CSGALNACT1: variants seen among roughly 807,000 people sequenced by gnomAD.
CSGALNACT1 encodes the protein beta4GalNAcT-1.
CSGALNACT1 carries 52 observed loss-of-function variants against 51.0 expected under a neutral mutation model. The ratio of observed to expected loss-of-function variants is 1.02; its 90% CI spans 0.82 to 1.29. The LOEUF (loss-of-function observed/expected upper bound fraction) is 1.29, where lower values mean the gene tolerates loss of function less well. Among genes scored for constraint, CSGALNACT1 ranks in the 50% most tolerant of loss-of-function variants. The pLI is 0.00. For missense variants in CSGALNACT1, 935 were observed against 679.2 expected (o/e 1.38, Z -4.19); for synonymous variants, 341 against 254.4 (o/e 1.34, Z -3.24).
intron 6 of CSGALNACT1, among the ~76,000 whole-genome samples, chr8:19,434,748 G>A (rs2060124664): frequency 6.6e-6 from 1 of 151,852 alleles, no homozygotes; most frequent in African/African-American, 2.4e-5. Context: ...GTTTCCCAGG[G>A]TCCGAGACTA....
intron 1 of CSGALNACT1, among the ~76,000 whole-genome samples, chr8:19,635,226 G>A (rs547774702): frequency 1.5e-4 from 23 of 152,324 alleles, no homozygotes; most frequent in African/African-American, 5.5e-4. Flanking sequence ...GCCCACACTG[G>A]TGGAAAAGCC....
At position 19,666,999 on chromosome 8, in the gene CSGALNACT1, G is replaced by GAAAAGAAAGAAAGAAAGAAAGA. The variant is rs1427911438; in HGVS notation, c.-544+15473_-544+15474insTCTTTCTTTCTTTCTTTCTTTT. 1.5e-4 allele frequency among the ~76,000 whole-genome samples: 4 copies of GAAAAGAAAGAAAGAAAGAAAGA among 26,054 alleles called. 1 individual carries two copies. Among genetic ancestry groups the GAAAAGAAAGAAAGAAAGAAAGA allele is most frequent in the African/African-American group, 2.3e-4 (1 of 4,444 alleles). 17.1% of individuals were successfully genotyped at this position (26,054 alleles called of 152,430 possible). A position where few individuals can be genotyped will look rare whatever the true frequency, so the allele number is the denominator to read the frequency against. The stretch of plus-strand genomic sequence containing the variant: ...AGAAAGAAAGAAAGAAAGAAAGAAA[G>GAAAAGAAAGAAAGAAAGAAAGA]AAAGAAAGAAAGAAAGAAAGGAAGG... On this transcript the variant is annotated intron_variant, in intron 1 of 9. Coordinates refer to the CSGALNACT1 transcript ENST00000332246.
chr8:19,468,403 CAT>C (rs2067235083), intron 4 of CSGALNACT1, among the ~76,000 whole-genome samples: 1 of 152,152 alleles, frequency 6.6e-6, no homozygotes, highest in Non-Finnish European at 1.5e-5. Flanking sequence ...GGGGTCACAT[CAT>C]GTGGATCCCC....
intron 3 of CSGALNACT1, among the ~76,000 whole-genome samples, chr8:19,523,926 C>T (rs2081195820): frequency 6.6e-6 from 1 of 152,158 alleles, no homozygotes; most frequent in Non-Finnish European, 1.5e-5. Flanking sequence ...TCTGCAGAGC[C>T]TTTCAAGTTG....
intron 8 of CSGALNACT1, among the ~76,000 whole-genome samples, chr8:19,411,292 G>T: frequency 6.6e-6 from 1 of 152,192 alleles, no homozygotes; most frequent in East Asian, 1.9e-4. Flanking sequence ...CTTCTGAAAT[G>T]ATCCCGTTGA....
At chr8:19,620,470 C>T (rs939165159) in intron 1 of CSGALNACT1, among the ~76,000 whole-genome samples, 11 of 150,278 alleles carry the variant, frequency 7.3e-5, no homozygotes, top group Admixed American at 1.3e-4. Flanking sequence ...GCTCTGTTGC[C>T]CAGGCTGGCT....
intron 1 of CSGALNACT1, among the ~76,000 whole-genome samples, chr8:19,654,371 T>C (rs1282771204): frequency 6.6e-6 from 1 of 152,142 alleles, no homozygotes; most frequent in Non-Finnish European, 1.5e-5. Flanking sequence ...AATCCTACCA[T>C]TAAGTCTGAA....
At chr8:19,486,967 G>A (rs2073102954) in intron 4 of CSGALNACT1, among the ~76,000 whole-genome samples, 1 of 152,140 alleles carries the variant, frequency 6.6e-6, no homozygotes, top group African/African-American at 2.4e-5. Flanking sequence ...TTGTGTCAAT[G>A]GATAGCAGGA....
intron 4 of CSGALNACT1, among the ~76,000 whole-genome samples, chr8:19,485,358 G>C (rs1048555663): frequency 2.0e-5 from 3 of 151,970 alleles, no homozygotes; most frequent in African/African-American, 7.3e-5. Flanking sequence ...ATTCCGACTA[G>C]GCACTTCTAA....
chr8:19,626,223 C>T (rs942722903), intron 1 of CSGALNACT1, among the ~76,000 whole-genome samples: 1 of 152,074 alleles, frequency 6.6e-6, no homozygotes, highest in Non-Finnish European at 1.5e-5. Context: ...AGAAAAAGGT[C>T]CATAGATCAA....
chr8:19,526,892 A>C lies in CSGALNACT1; in HGVS notation c.-296-20762T>G, dbSNP rs540640698. On this transcript the variant is annotated intron_variant, in intron 3 of 9. Coordinates refer to ENST00000454498, the Ensembl canonical transcript of CSGALNACT1. ...CATTCCAGGAGTACAAAAAATGCTAACAAAATCTTTAGACAACCTTCGGTT... is the reference window on the plus strand; with the variant it reads ...CATTCCAGGAGTACAAAAAATGCTACCAAAATCTTTAGACAACCTTCGGTT... Among the ~76,000 whole-genome samples, 15 of 152,332 alleles carry C rather than the reference A, an allele frequency of 9.8e-5. No homozygotes were observed. In the South Asian group the frequency reaches 1.0e-3, roughly 11 times the overall value.
chr8:19,439,800 T>C (rs949376132), intron 6 of CSGALNACT1, 30 bp downstream of exon 5: 2 of 1,550,438 alleles, frequency 1.3e-6, no homozygotes, highest in Non-Finnish European at 1.8e-6. Context: ...GTTACCAGGA[T>C]TCCTTATGAC....
intron 1 of CSGALNACT1, among the ~76,000 whole-genome samples, chr8:19,725,870 T>C (rs1471030846): frequency 6.6e-6 from 1 of 152,064 alleles, no homozygotes; most frequent in Admixed American, 6.6e-5. Context: ...GAGTGGTGCA[T>C]TTGTTACACT....
intron 1 of CSGALNACT1, among the ~76,000 whole-genome samples, chr8:19,714,336 T>TC (rs2062680824): frequency 1.4e-5 from 2 of 138,296 alleles, no homozygotes; most frequent in South Asian, 4.6e-4. Flanking sequence ...CCTGGGTATG[T>TC]TTTTTTTTTG....
At chr8:19,526,337 C>A (rs955840279) in intron 3 of CSGALNACT1, among the ~76,000 whole-genome samples, 2 of 152,228 alleles carry the variant, frequency 1.3e-5, no homozygotes, top group African/African-American at 4.8e-5. Context: ...ATAATCCCAG[C>A]ACTTTGGGAA....
intron 3 of CSGALNACT1, among the ~76,000 whole-genome samples, chr8:19,543,545 G>C (rs917705768): frequency 6.6e-6 from 1 of 152,192 alleles, no homozygotes; most frequent in East Asian, 1.9e-4. Flanking sequence ...GCTACACAGA[G>C]AATGCCTAAG....
chr8:19,757,468 C>A lies in CSGALNACT1; in HGVS notation c.-297+382G>T, dbSNP rs1207209808. On this transcript the variant is annotated intron_variant, in intron 1 of 1. Coordinates refer to the CSGALNACT1 transcript ENST00000517494. The surrounding 1 kb of genome is among the most constrained non-coding windows in gnomAD (Gnocchi z 4.0). The stretch of plus-strand genomic sequence containing the variant: ...CGCGTACCTCCGCGTCACCCACGGC[C>A]TCTCTGCAGTGCGTCCCTGCGCCCG... Among the ~76,000 whole-genome samples the A allele has an allele frequency of 9.2e-5, 14 of 152,102 alleles. No individual in the cohort carries two copies. The highest frequency in any genetic ancestry group is 1.8e-4 in the Non-Finnish European group (12 of 68,000).
intron 3 of CSGALNACT1, among the ~76,000 whole-genome samples, chr8:19,574,315 A>T (rs933521421): frequency 6.6e-6 from 1 of 152,180 alleles, no homozygotes; most frequent in Non-Finnish European, 1.5e-5. Flanking sequence ...CTCCAGACCC[A>T]GCAAATGCAA....
chr8:19,607,112 G>A (rs151263276), upstream of CSGALNACT1, among the ~76,000 whole-genome samples: 119 of 151,124 alleles, frequency 7.9e-4, no homozygotes, highest in African/African-American at 2.8e-3. Flanking sequence ...CTGAGAACGC[G>A]CCACGGCACT....
Sources: allele counts gnomAD v4.1 joint callset (sites outside exome capture counted in the v4.1 genomes callset), GRCh38; gene constraint gnomAD v4.1.1; non-coding constraint Gnocchi (gnomAD v3.1); transcripts MANE v1.5; gene names NCBI Gene and HGNC (gene_info 2026-07-23, HGNC 2026-07-21).